The following CSMD2 variants were observed in gnomAD, a reference collection of about 807,000 sequenced individuals.
CSMD2 encodes CUB and Sushi multiple domains 2.
A neutral mutation model predicts 398.5 loss-of-function variants in CSMD2; 130 were observed. The observed-to-expected ratio is 0.33, with a 90% CI of 0.28 to 0.38. CSMD2 has a LOEUF of 0.38. CSMD2 is among the 10% of genes least tolerant of loss of function. The probability of loss-of-function intolerance (pLI) is 1.00; values close to 1 mark genes in which losing one functional copy is unlikely to be tolerated. For synonymous variants in CSMD2, 1,828 were observed against 1,908.5 expected (o/e 0.96, Z 1.10); for missense variants, 3,829 against 4,764.9 (o/e 0.80, Z 5.78).
At chr1:33,724,466 T>C in intron 18 of CSMD2, 50 bp downstream of exon 18, 1 of 1,588,326 alleles carries the variant, frequency 6.3e-7, no homozygotes, top group Non-Finnish European at 8.6e-7. Context: ...TGTGTTTCTG[T>C]GGCAGGAGAG....
intron 4 of CSMD2, among the ~76,000 whole-genome samples, chr1:33,932,928 G>A (rs1157827143): frequency 1.3e-5 from 2 of 152,210 alleles, no homozygotes; most frequent in East Asian, 3.8e-4. Context: ...GCAGCACCAA[G>A]GTGGAAGAGG....
At position 33,725,415 on chromosome 1, in the gene CSMD2, A is replaced by G; in HGVS notation, c.2629T>C (p.Tyr877His). The change falls in exon 17 of 71, where the codon TAC (tyrosine) becomes CAC (histidine). Residue 877 changes from tyrosine to histidine, a missense_variant. Physicochemically the swap from Tyr to His is moderately conservative, Grantham distance 83. Coordinates refer to ENST00000373381, the MANE Select transcript of CSMD2 (RefSeq NM_001281956.2). ...TCGGTAGAGAAGAGGAGGTAGAGGT[A>G]GTTGCTGGTGCTGATGAGGAACTGG... Reference protein sequence around the residue: ...VPQFLISTSNYLYLLFSTDKS... With the variant: ...VPQFLISTSNHLYLLFSTDKS... 2 of 1,614,116 alleles carry G rather than the reference A, an allele frequency of 1.2e-6. No homozygotes were observed. The highest frequency in any genetic ancestry group is 1.7e-6 in the Non-Finnish European group (2 of 1,179,986).
chr1:33,670,690 G>A (rs1339268146), intron 25 of CSMD2, among the ~76,000 whole-genome samples: 6 of 152,164 alleles, frequency 3.9e-5, no homozygotes, highest in African/African-American at 1.4e-4. Context: ...CAGCCCTGTA[G>A]GTTCCCTGAG....
At position 34,155,701 on chromosome 1, in the gene CSMD2, G is replaced by A. The variant is rs77275446; in HGVS notation, c.187+9210C>T. Reference sequence around the variant, plus strand: ...GCCTGGCAAGCTGTCTGCAGAGGTCGTGAGCTCCCCATCCCTGGAAAGCCA... The same window carrying A: ...GCCTGGCAAGCTGTCTGCAGAGGTCATGAGCTCCCCATCCCTGGAAAGCCA... On this transcript the variant is annotated intron_variant, in intron 1 of 70. Coordinates refer to ENST00000373381, the MANE Select transcript of CSMD2 (RefSeq NM_001281956.2). Among the ~76,000 whole-genome samples the A allele has an allele frequency of 5.9e-3, 892 of 152,296 alleles. 7 individuals are homozygous for A. The highest frequency in any genetic ancestry group is 0.021 in the African/African-American group (852 of 41,552).
Position 33,592,142 on chromosome 1 carries a change from C to T in CSMD2, c.6857-4974G>A, listed in dbSNP as rs1639502464. On this transcript the variant is annotated intron_variant, in intron 44 of 70. Transcript: ENST00000373381. The stretch of plus-strand genomic sequence containing the variant: ...AGAGAACCCAAGGGTGGGTTTGCAG[C>T]CAGACTTCACAAAGGTAGAGGACGA... 16 of 472,546 alleles carry T rather than the reference C, an allele frequency of 3.4e-5. No homozygotes were observed. In the South Asian group the frequency reaches 3.5e-4, roughly 10 times the overall value. 29.3% of individuals were successfully genotyped at this position (472,546 alleles called of 1,614,324 possible).
chr1:34,111,664 A>G (rs1040036917), intron 1 of CSMD2, among the ~76,000 whole-genome samples: 1 of 152,310 alleles, frequency 6.6e-6, no homozygotes, highest in East Asian at 1.9e-4. Flanking sequence ...TAGCTTGCCC[A>G]AGCTCACACA....
intron 1 of CSMD2, among the ~76,000 whole-genome samples, chr1:34,102,859 C>A (rs913627385): frequency 6.6e-6 from 1 of 152,166 alleles, no homozygotes; most frequent in Non-Finnish European, 1.5e-5. Context: ...CTGGTGCCTG[C>A]TTTATTTGTT....
intron 5 of CSMD2, among the ~76,000 whole-genome samples, chr1:33,866,296 A>T (rs1640029871): frequency 6.6e-6 from 1 of 152,224 alleles, no homozygotes; most frequent in African/African-American, 2.4e-5. Flanking sequence ...CGCCCTATAA[A>T]AAATTTCCTT....
rs1290887098 is a variant in CSMD2, at chr1:33,533,092, T to C, written c.10129A>G (p.Lys3377Glu). 1.2e-6 allele frequency: 2 copies of C among 1,613,790 alleles called. No homozygotes were observed. Among genetic ancestry groups the C allele is most frequent in the South Asian group, 2.2e-5 (2 of 91,048 alleles). Residue 3377 changes from lysine to glutamate, a missense_variant, in exon 64 of 71, where the codon AAG (lysine) becomes GAG (glutamate). Lys to Glu is a moderately conservative substitution (Grantham distance 56). Around this residue, in one of 5 missense-constraint regions of CSMD2, gnomAD observed 917 missense variants for 1,199.5 expected, o/e 0.76. Transcript: ENST00000373381. The surrounding 1 kb of genome is among the most constrained non-coding windows in gnomAD (Gnocchi z 4.2). ...TTGCCTGTCCAGCTGCCATCCGCCT[T>C]GCAGGTGCGGTGCTCGGAGCCACCC... The part of the protein sequence containing the change: ...LKGGSEHRTC[K>E]ADGSWTGKPP...
intron 2 of CSMD2, among the ~76,000 whole-genome samples, chr1:34,054,686 G>A (rs867217707): frequency 5.3e-5 from 8 of 152,314 alleles, no homozygotes; most frequent in Middle Eastern, 6.8e-3. Context: ...CTTGCAGTGA[G>A]CCGAGATCGC....
intron 2 of CSMD2, among the ~76,000 whole-genome samples, chr1:34,082,127 C>T (rs9425989): frequency 0.3 from 44,122 of 145,960 alleles, 6,647 homozygotes; most frequent in Admixed American, 0.38. Context: ...TCTGCCCGGC[C>T]GCCCCGTCTG....
chr1:33,663,978 T>C (rs1463727816), intron 25 of CSMD2, among the ~76,000 whole-genome samples: 1 of 152,216 alleles, frequency 6.6e-6, no homozygotes, highest in African/African-American at 2.4e-5. Context: ...GTTGGCATAC[T>C]TACTATGAAC....
At chr1:33,762,370 G>A (rs1217883151) in intron 13 of CSMD2, among the ~76,000 whole-genome samples, 1 of 152,204 alleles carries the variant, frequency 6.6e-6, no homozygotes, top group Non-Finnish European at 1.5e-5. Context: ...AACAGAGCCT[G>A]TTGGCTTGAT....
In CSMD2 at chr1:33,726,637, G is replaced by A. The variant is rs780122635; in HGVS notation, c.2417C>T (p.Pro806Leu). Residue 806 changes from proline to leucine, a missense_variant, in exon 16 of 71, where the codon CCG (proline) becomes CTG (leucine). Coordinates refer to ENST00000373381, the MANE Select transcript of CSMD2 (RefSeq NM_001281956.2). ...LTSPSGTILS[P>L]GWPGFYKDAL... ...ATCCTTGTAGAAGCCAGGCCAGCCCGGAGAGAGGATGGTGCCGCTGGGCGA... is the reference window on the plus strand; with the variant it reads ...ATCCTTGTAGAAGCCAGGCCAGCCCAGAGAGAGGATGGTGCCGCTGGGCGA... 6 of 1,613,420 alleles carry A rather than the reference G, an allele frequency of 3.7e-6. No homozygotes were observed. The highest frequency in any genetic ancestry group is 2.2e-5 in the South Asian group (2 of 91,008).
At chr1:33,593,831 T>C (rs1434911998) in intron 44 of CSMD2, among the ~76,000 whole-genome samples, 2 of 152,200 alleles carry the variant, frequency 1.3e-5, no homozygotes, top group Admixed American at 6.5e-5. Flanking sequence ...TTCTCTGCCT[T>C]TTATATTTGG....
At chr1:33,992,725 A>C (rs1417898778) in intron 3 of CSMD2, among the ~76,000 whole-genome samples, 1 of 151,630 alleles carries the variant, frequency 6.6e-6, no homozygotes, top group East Asian at 2.0e-4. Flanking sequence ...ATAAAAAAAA[A>C]AATTAGCCGG....
chr1:33,519,424 G>C lies in CSMD2; in HGVS notation c.*53+41C>G, dbSNP rs1375663440. On this transcript the variant is annotated intron_variant, in intron 70 of 70. Coordinates refer to ENST00000373381, the MANE Select transcript of CSMD2 (RefSeq NM_001281956.2). This position sits in a 1 kb window ranked among gnomAD's most constrained non-coding sequence, Gnocchi z 5.6. Reference sequence around the variant, plus strand: ...CCCTGGCACGCATAGGTCCCTGTCTGTGCTTGTCATGGCCTGTCTTCCTCC... The same window carrying C: ...CCCTGGCACGCATAGGTCCCTGTCTCTGCTTGTCATGGCCTGTCTTCCTCC... The C allele has an allele frequency of 7.6e-7, 1 of 1,314,806 alleles. No individual in the cohort carries two copies. 81.4% of individuals were successfully genotyped at this position (1,314,806 alleles called of 1,614,324 possible). A position where few individuals can be genotyped will look rare whatever the true frequency, so the allele number is the denominator to read the frequency against.
chr1:34,004,429 G>C (rs1490981649), intron 3 of CSMD2, among the ~76,000 whole-genome samples: 3 of 151,710 alleles, frequency 2.0e-5, no homozygotes, highest in African/African-American at 7.3e-5. Context: ...TAGAGCATTT[G>C]GAGCCACAGC....
At chr1:34,044,406 T>G (rs1652241455) in intron 2 of CSMD2, among the ~76,000 whole-genome samples, 1 of 152,198 alleles carries the variant, frequency 6.6e-6, no homozygotes, top group South Asian at 2.1e-4. Context: ...CCCATTATAT[T>G]ATAGCCCCTT....
Sources: allele counts gnomAD v4.1 joint callset (sites outside exome capture counted in the v4.1 genomes callset), GRCh38; gene constraint gnomAD v4.1.1; regional missense constraint gnomAD v4.1.1; non-coding constraint Gnocchi (gnomAD v3.1); transcripts MANE v1.5; gene names NCBI Gene and HGNC (gene_info 2026-07-23, HGNC 2026-07-21).